Variants in CNTNAP3B observed in about 807,000 individuals in gnomAD.
CNTNAP3B encodes the protein contactin associated protein family member 3B.
In CNTNAP3B, 25 loss-of-function variants were observed where a neutral mutation model predicts 108.9. The observed-to-expected ratio is 0.23, with a 90% CI of 0.17 to 0.32. The LOEUF is 0.32. Ranked by LOEUF, CNTNAP3B falls within the 10% of genes least tolerant of loss-of-function variation. The pLI, the probability that CNTNAP3B is intolerant of heterozygous loss-of-function variation, is 1.00. For missense variants in CNTNAP3B, 252 were observed against 1,210.4 expected (o/e 0.21, Z 11.75); for synonymous variants, 103 against 473.4 (o/e 0.22, Z 10.16).
At chr9:42,098,451 T>TG (rs1827955310) in intron 2 of CNTNAP3B, among the ~76,000 whole-genome samples, 1 of 108,724 alleles carries the variant, frequency 9.2e-6, no homozygotes, top group Non-Finnish European at 1.9e-5. Context: ...GGCATGGTGG[T>TG]GGGTGCCTGT....
intron 3 of CNTNAP3B, among the ~76,000 whole-genome samples, chr9:42,042,965 G>T (rs1330844624): frequency 6.7e-6 from 1 of 149,010 alleles, no homozygotes; most frequent in Non-Finnish European, 1.5e-5. Context: ...CAAAGAAAAT[G>T]GGATTATATT....
intron 9 of CNTNAP3B, among the ~76,000 whole-genome samples, chr9:41,978,878 A>T (rs1587170382): frequency 1.4e-5 from 2 of 147,646 alleles, no homozygotes; most frequent in South Asian, 4.3e-4. Flanking sequence ...TAATCAGAAC[A>T]CAGTGTATAC....
intron 1 of CNTNAP3B, among the ~76,000 whole-genome samples, chr9:42,111,835 T>C (rs1187641682): frequency 2.9e-5 from 4 of 138,502 alleles, no homozygotes; most frequent in Non-Finnish European, 6.2e-5. Context: ...GTTAACGACC[T>C]AACTAATCCT....
At chr9:42,110,371 C>T (rs569873700) in intron 1 of CNTNAP3B, among the ~76,000 whole-genome samples, 5 of 136,930 alleles carry the variant, frequency 3.7e-5, no homozygotes, top group South Asian at 4.7e-4. Context: ...TCGGCGGAAC[C>T]TAAGGATGGA....
Position 42,036,381 on chromosome 9 carries a change from C to T in CNTNAP3B, c.391-22856G>A, listed in dbSNP as rs1260294049. Among the ~76,000 whole-genome samples, 3 of 140,268 alleles carry T rather than the reference C, an allele frequency of 2.1e-5. 1 individual carries two copies. Among genetic ancestry groups the T allele is most frequent in the South Asian group, 2.3e-4 (1 of 4,372 alleles). The allele number at this position is 140,268 out of a possible 152,430, so 92.0% of individuals were successfully genotyped here. The stretch of plus-strand genomic sequence containing the variant: ...ACGTATTTTATTTTTGCACAGTGCA[C>T]GTTTTCTCCAACTTCTTTTTTCACT... On this transcript the variant is annotated intron_variant, in intron 3 of 23. Coordinates refer to ENST00000377561, the MANE Select transcript of CNTNAP3B (RefSeq NM_001201380.3).
At position 42,116,785 on chromosome 9, in the gene CNTNAP3B, C is replaced by G. The variant is rs1311098965; in HGVS notation, c.86-12046G>C. On this transcript the variant is annotated intron_variant, in intron 1 of 23. Transcript: ENST00000377561. ...TGCTGTATTCAGCAGACCCTGCTCA[C>G]GTGCAGAGACACACATAGGCTCAAA... Among the ~76,000 whole-genome samples, 2 of 138,564 alleles carry G rather than the reference C, an allele frequency of 1.4e-5. 1 individual carries two copies. The highest frequency in any genetic ancestry group is 4.3e-4 in the East Asian group (2 of 4,598). 90.9% of individuals were successfully genotyped at this position (138,564 alleles called of 152,430 possible).
chr9:42,016,508 GCA>G (rs1337522540), intron 3 of CNTNAP3B, among the ~76,000 whole-genome samples: 1 of 139,218 alleles, frequency 7.2e-6, no homozygotes, highest in Non-Finnish European at 1.5e-5. Flanking sequence ...TCATACGTAA[GCA>G]CATGACCACT....
chr9:41,940,218 G>A (rs1009818095), intron 13 of CNTNAP3B, among the ~76,000 whole-genome samples: 1 of 152,304 alleles, frequency 6.6e-6, no homozygotes, highest in African/African-American at 2.4e-5. Context: ...CCCACATGTG[G>A]TGAAAGATAC....
chr9:42,058,226 A>T (rs1353147954), intron 3 of CNTNAP3B, among the ~76,000 whole-genome samples: 4 of 152,014 alleles, frequency 2.6e-5, no homozygotes, highest in Non-Finnish European at 5.9e-5. Flanking sequence ...TTGGATACAT[A>T]CACAATAGTG....
At position 41,925,273 on chromosome 9, in the gene CNTNAP3B, T is replaced by C. The variant is rs1402049361; in HGVS notation, c.2366-1180A>G. Among the ~76,000 whole-genome samples, 7 of 150,938 alleles carry C rather than the reference T, an allele frequency of 4.6e-5. No homozygotes were observed. In the East Asian group the frequency reaches 1.4e-3, roughly 29 times the overall value. On this transcript the variant is annotated intron_variant, in intron 15 of 23. Coordinates refer to ENST00000377561, the MANE Select transcript of CNTNAP3B (RefSeq NM_001201380.3). ...CTAAGCTCTGTCATTCCTTCCACATTAATTGGTTGACATGCCTACGTTAGA... is the reference window on the plus strand; with the variant it reads ...CTAAGCTCTGTCATTCCTTCCACATCAATTGGTTGACATGCCTACGTTAGA...
At chr9:41,941,091 G>C (rs866657055) in intron 13 of CNTNAP3B, among the ~76,000 whole-genome samples, 212 of 150,158 alleles carry the variant, frequency 1.4e-3, no homozygotes, top group Middle Eastern at 0.01. Flanking sequence ...AAGTGGGGAA[G>C]ATAAAGGACC....
chr9:41,961,127 G>A (rs1290013324), intron 11 of CNTNAP3B, among the ~76,000 whole-genome samples: 1 of 152,304 alleles, frequency 6.6e-6, no homozygotes, highest in East Asian at 1.9e-4. Flanking sequence ...TTCAAATGTT[G>A]GATGTTGTTA....
intron 13 of CNTNAP3B, among the ~76,000 whole-genome samples, chr9:41,949,855 C>T (rs1267621141): frequency 1.3e-5 from 2 of 151,836 alleles, no homozygotes; most frequent in Non-Finnish European, 2.9e-5. Context: ...GTGTACAACC[C>T]ATAAAAGGAA....
Position 42,113,676 on chromosome 9 carries a change from G to T in CNTNAP3B, c.86-8937C>A, listed in dbSNP as rs1487289990. 2.1e-5 allele frequency among the ~76,000 whole-genome samples: 3 copies of T among 139,968 alleles called. 1 individual carries two copies. Among genetic ancestry groups the T allele is most frequent in the Non-Finnish European group, 3.1e-5 (2 of 65,090 alleles). The allele number at this position is 139,968 out of a possible 152,430, so 91.8% of individuals were successfully genotyped here. On this transcript the variant is annotated intron_variant, in intron 1 of 23. Transcript: ENST00000377561. ...GAACTGTTAATAAAGGGCAATAAAT[G>T]ATCTTTCCACGGGTACAAAAAAATA...
Position 42,096,502 on chromosome 9 carries a change from G to C in CNTNAP3B, c.196+8127C>G, listed in dbSNP as rs115120055. On this transcript the variant is annotated intron_variant, in intron 2 of 23. Transcript: ENST00000377561. The stretch of plus-strand genomic sequence containing the variant: ...ATGATCCCCTTTTCTCTACACAGAG[G>C]ACTCAAGACAATCTGAGTTAGGAGC... Among the ~76,000 whole-genome samples the C allele has an allele frequency of 5.1e-3, 694 of 135,960 alleles. 135 individuals are homozygous for C. The highest frequency in any genetic ancestry group is 0.02 in the African/African-American group (671 of 33,916). 89.2% of individuals were successfully genotyped at this position (135,960 alleles called of 152,430 possible).
chr9:41,941,625 A>G (rs1343049152), intron 13 of CNTNAP3B, among the ~76,000 whole-genome samples: 1 of 128,608 alleles, frequency 7.8e-6, no homozygotes, highest in East Asian at 2.2e-4. Context: ...GCACTAACTA[A>G]AAATAAACAG....
At chr9:42,110,971 T>C (rs1828183213) in intron 1 of CNTNAP3B, among the ~76,000 whole-genome samples, 1 of 139,880 alleles carries the variant, frequency 7.1e-6, no homozygotes, top group Non-Finnish European at 1.5e-5. Context: ...CTGTTTTCCA[T>C]ATAAAAACTT....
intron 14 of CNTNAP3B, among the ~76,000 whole-genome samples, chr9:41,936,977 C>A (rs902706452): frequency 6.6e-6 from 1 of 152,254 alleles, no homozygotes; most frequent in African/African-American, 2.4e-5. Flanking sequence ...ACTTTTTATG[C>A]CAAATAAATA....
intron 3 of CNTNAP3B, among the ~76,000 whole-genome samples, chr9:42,056,568 T>G (rs1827076313): frequency 7.3e-6 from 1 of 137,832 alleles, no homozygotes; most frequent in Admixed American, 7.2e-5. Flanking sequence ...GCCAGGATGG[T>G]CTTGATCTCC....
Sources: gnomAD v4.1 joint callset for allele counts (sites outside exome capture counted in the v4.1 genomes callset) on GRCh38, gnomAD v4.1.1 for gene constraint, MANE v1.5 for transcripts, NCBI Gene and HGNC (gene_info 2026-07-23, HGNC 2026-07-21) for gene names.